NAV2: variants seen among roughly 807,000 people sequenced by gnomAD.
NAV2 encodes the protein neuron navigator 2, also known as helicase, APC down-regulated 1.
A neutral mutation model predicts 223.2 loss-of-function variants in NAV2; 54 were observed. That is an observed-to-expected ratio of 0.24 (90% CI 0.19 to 0.30). The LOEUF is 0.30. Among genes scored for constraint, NAV2 ranks in the 10% least tolerant of loss-of-function variants. NAV2 has a pLI of 1.00. For missense variants in NAV2, 2,806 were observed against 3,147.5 expected (o/e 0.89, Z 2.60); for synonymous variants, 1,279 against 1,239.3 (o/e 1.03, Z -0.67).
chr11:20,068,620 C>G (rs776621526), intron 22 of NAV2, among the ~76,000 whole-genome samples: 2 of 152,110 alleles, frequency 1.3e-5, no homozygotes, highest in Admixed American at 6.5e-5. Context: ...ATCTGTGTAA[C>G]GAGGGTGATA....
intron 11 of NAV2, among the ~76,000 whole-genome samples, chr11:20,029,504 C>G (rs554307201): frequency 6.6e-6 from 1 of 152,330 alleles, no homozygotes; most frequent in East Asian, 1.9e-4. Flanking sequence ...GTTGTTTCCA[C>G]TTGGTGCCCT....
At chr11:19,777,510 T>C (rs774490124) in intron 1 of NAV2, 13 of 454,316 alleles carry the variant, frequency 2.9e-5, no homozygotes, top group South Asian at 2.0e-4. Flanking sequence ...AACACCACCA[T>C]GAAGCTGGTA....
At chr11:19,361,306 A>T (rs955170832) in intron 1 of NAV2, among the ~76,000 whole-genome samples, 1 of 151,684 alleles carries the variant, frequency 6.6e-6, no homozygotes, top group African/African-American at 2.4e-5. Flanking sequence ...TCTTGTCCAT[A>T]GAAATCTGAG....
chr11:19,358,453 G>A (rs972209193), intron 1 of NAV2, among the ~76,000 whole-genome samples: 2 of 152,116 alleles, frequency 1.3e-5, no homozygotes, highest in African/African-American at 4.8e-5. Flanking sequence ...GTTAAGAACT[G>A]GGCTTGGATG....
At chr11:19,878,405 A>G (rs1296486938) in intron 4 of NAV2, among the ~76,000 whole-genome samples, 1 of 152,182 alleles carries the variant, frequency 6.6e-6, no homozygotes, top group African/African-American at 2.4e-5. Context: ...CTGCAAAACA[A>G]CCTTGTGCAG....
rs573056134 is a variant in NAV2 at position 20,080,954 on chromosome 11, G to T, written c.5325+745G>T. ...GGCTACAGAGCTCTGACTGAGATTT[G>T]CTATCCCTTGTCTTCAGTGCAAGAA... On this transcript the variant is annotated intron_variant, in intron 25 of 37. Transcript: ENST00000349880. 7.2e-5 allele frequency among the ~76,000 whole-genome samples: 11 copies of T among 152,258 alleles called. No individual in the cohort carries two copies. The South Asian group carries it at 2.1e-3, about 29-fold the overall frequency.
chr11:19,472,941 A>T (rs1590274725), intron 1 of NAV2, among the ~76,000 whole-genome samples: 2 of 152,184 alleles, frequency 1.3e-5, no homozygotes, highest in East Asian at 3.8e-4. Context: ...CTGGGTGAAG[A>T]TCCCATCCTT....
intron 11 of NAV2, among the ~76,000 whole-genome samples, chr11:20,022,298 T>G (rs952457141): frequency 1.3e-5 from 2 of 152,232 alleles, no homozygotes; most frequent in African/African-American, 4.8e-5. Flanking sequence ...GATTAGTCCA[T>G]GCAACCCCTT....
intron 6 of NAV2, among the ~76,000 whole-genome samples, chr11:19,925,681 GAGGTTGCAGTGAGCTGACA>G (rs2044682787): frequency 6.6e-6 from 1 of 151,844 alleles, no homozygotes; most frequent in Admixed American, 6.6e-5. Flanking sequence ...CCGGGAGGCG[GAGGTTGCAGTGAGCTGACA>G]TTGCGCCACT....
rs140580271 is a variant in NAV2, at chr11:19,941,360, T to C, written c.2146+1587T>C. On this transcript the variant is annotated intron_variant, in intron 8 of 37. Coordinates refer to ENST00000349880, the MANE Select transcript of NAV2 (RefSeq NM_145117.5). ...AATGGGGTTGGTCGCTAACAAAAAT[T>C]CCTTATCAGGGTGACATGTCTTTAT... Among the ~76,000 whole-genome samples the C allele has an allele frequency of 5.1e-3, 768 of 151,008 alleles. 6 individuals are homozygous for C. The highest frequency in any genetic ancestry group is 0.018 in the African/African-American group (721 of 40,810).
chr11:19,422,808 A>G (rs1298020803), intron 1 of NAV2, among the ~76,000 whole-genome samples: 1 of 152,108 alleles, frequency 6.6e-6, no homozygotes. Flanking sequence ...CTTTCTCTCC[A>G]TCCCTCTCCC....
chr11:19,684,047 T>G (rs11025215), intron 1 of NAV2, among the ~76,000 whole-genome samples: 15,573 of 152,202 alleles, frequency 0.1, 920 homozygotes, highest in South Asian at 0.15. Context: ...CTCCCCCAAT[T>G]GTTTTAACTT....
At chr11:19,739,780 C>T (rs1394257588) in intron 1 of NAV2, among the ~76,000 whole-genome samples, 1 of 152,038 alleles carries the variant, frequency 6.6e-6, no homozygotes, top group Non-Finnish European at 1.5e-5. Context: ...TGGTAGTGTC[C>T]TAAGGAAAAA....
rs190564029 is a variant in NAV2 at position 19,817,540 on chromosome 11, G to C, written c.268-14944G>C. On this transcript the variant is annotated intron_variant, in intron 1 of 37. Transcript: ENST00000349880. The stretch of plus-strand genomic sequence containing the variant: ...GACGCCTCAGTGGGTGATGAGGTCC[G>C]AGTTGGGGGAGGGAGGGCCTGGGCA... Among the ~76,000 whole-genome samples, 7 of 152,234 alleles carry C rather than the reference G, an allele frequency of 4.6e-5. No individual in the cohort carries two copies. The South Asian group carries it at 1.5e-3, about 32-fold the overall frequency.
At position 20,100,793 on chromosome 11, in the gene NAV2, G is replaced by A. The variant is rs568651828; in HGVS notation, c.6182-144G>A. 4.5e-5 allele frequency: 29 copies of A among 645,606 alleles called. 1 individual carries two copies. In the South Asian group the frequency reaches 5.6e-4, roughly 12 times the overall value. 40.0% of individuals were successfully genotyped at this position (645,606 alleles called of 1,614,324 possible). ...AGCAGCACTTTGCTCTCAGCCTCCAGTGTTCCTGGGTGTGCAGGAGTCTCA... is the reference window on the plus strand; with the variant it reads ...AGCAGCACTTTGCTCTCAGCCTCCAATGTTCCTGGGTGTGCAGGAGTCTCA... On this transcript the variant is annotated intron_variant, in intron 31 of 37. Coordinates refer to ENST00000349880, the MANE Select transcript of NAV2 (RefSeq NM_145117.5).
intron 10 of NAV2, among the ~76,000 whole-genome samples, chr11:19,973,376 G>A (rs1205983598): frequency 1.3e-5 from 2 of 152,324 alleles, no homozygotes; most frequent in South Asian, 4.1e-4. Context: ...TCTGAGGCTT[G>A]GGGAGCCGTA....
intron 24 of NAV2, among the ~76,000 whole-genome samples, chr11:20,079,645 G>A (rs2153661281): frequency 6.6e-6 from 1 of 152,248 alleles, no homozygotes; most frequent in East Asian, 1.9e-4. Context: ...CACATGGAAG[G>A]GCCCTAGATG....
At chr11:19,883,995 A>G (rs1223615125) in intron 5 of NAV2, among the ~76,000 whole-genome samples, 5 of 152,222 alleles carry the variant, frequency 3.3e-5, no homozygotes, top group African/African-American at 1.2e-4. Flanking sequence ...GAGGGACCCC[A>G]TATTTTGAGA....
rs57151992 is a variant in NAV2 at position 19,790,772 on chromosome 11, C to T, written c.268-41712C>T. Among the ~76,000 whole-genome samples, 382 of 152,286 alleles carry T rather than the reference C, an allele frequency of 2.5e-3. 2 individuals carry two copies. The highest frequency in any genetic ancestry group is 0.01 in the East Asian group (54 of 5,190). ...GGTGTGAGGCAACCAGCACATCATG[C>T]AACACCAAGTCGCTAACAGTTGTTC... On this transcript the variant is annotated intron_variant, in intron 1 of 37. Coordinates refer to ENST00000349880, the MANE Select transcript of NAV2 (RefSeq NM_145117.5).
Sources: allele counts gnomAD v4.1 joint callset (sites outside exome capture counted in the v4.1 genomes callset), GRCh38; gene constraint gnomAD v4.1.1; transcripts MANE v1.5; gene names NCBI Gene and HGNC (gene_info 2026-07-23, HGNC 2026-07-21).